GPC6: variants seen among roughly 807,000 people sequenced by gnomAD.
GPC6 encodes the protein glypican 6.
In GPC6, 14 loss-of-function variants were observed where a neutral mutation model predicts 55.2. The ratio of observed to expected loss-of-function variants is 0.25; its 90% CI spans 0.17 to 0.40. The LOEUF is 0.40. Among genes scored for constraint, GPC6 ranks in the 10% least tolerant of loss-of-function variants. GPC6 has a pLI of 1.00. For synonymous variants in GPC6, 278 were observed against 259.6 expected, an observed-to-expected ratio of 1.07 and a Z score of -0.68; for missense variants, 641 against 708.5, an observed-to-expected ratio of 0.90 and a Z score of 1.08.
In GPC6 at chr13:93,341,579, T is replaced by A. The variant is rs150327229; in HGVS notation, c.160+113963T>A. Among the ~76,000 whole-genome samples the A allele has an allele frequency of 1.8e-4, 28 of 152,342 alleles. No individual in the cohort carries two copies. The East Asian group carries it at 2.5e-3, about 14-fold the overall frequency. ...ATATCTATTCATGTCCTTTGCCCAC[T>A]TTTTGATGGAGTTATTTGTTTTATT... On this transcript the variant is annotated intron_variant, in intron 1 of 8. Transcript: ENST00000377047.
At chr13:93,915,661 T>C (rs1162571496) in intron 3 of GPC6, among the ~76,000 whole-genome samples, 1 of 152,224 alleles carries the variant, frequency 6.6e-6, no homozygotes, top group Non-Finnish European at 1.5e-5. Context: ...ATGAATATCA[T>C]GAACCCTATT....
chr13:93,482,778 A>G (rs757408111), intron 1 of GPC6, among the ~76,000 whole-genome samples: 1 of 152,184 alleles, frequency 6.6e-6, no homozygotes, highest in Non-Finnish European at 1.5e-5. Context: ...CCAAATTGAG[A>G]TGTATGAAAC....
chr13:93,248,780 G>T (rs1876690676), intron 1 of GPC6, among the ~76,000 whole-genome samples: 1 of 152,210 alleles, frequency 6.6e-6, no homozygotes, highest in Admixed American at 6.5e-5. Flanking sequence ...CCGCATTTCA[G>T]CCTGGTTACT....
In GPC6 at chr13:93,778,298, A is replaced by AT. The variant is rs537729419; in HGVS notation, c.320-51856_320-51855insT. ...AATATCTCTGTTAAGGCACAAAAAA[A>AT]GAAGCAGCAACTTTCTGTTACTGTT... On this transcript the variant is annotated intron_variant, in intron 2 of 8. Transcript: ENST00000377047. Among the ~76,000 whole-genome samples, 224 of 152,322 alleles carry AT rather than the reference A, an allele frequency of 1.5e-3. No homozygotes were observed. The Middle Eastern group carries it at 0.027, about 19-fold the overall frequency.
intron 4 of GPC6, among the ~76,000 whole-genome samples, chr13:94,235,380 G>A (rs1446890923): frequency 6.6e-6 from 1 of 152,044 alleles, no homozygotes; most frequent in African/African-American, 2.4e-5. Context: ...AAAGAAAAAA[G>A]TACTAACTTT....
At chr13:94,199,180 G>C (rs1889676316) in intron 4 of GPC6, among the ~76,000 whole-genome samples, 1 of 152,170 alleles carries the variant, frequency 6.6e-6, no homozygotes, top group African/African-American at 2.4e-5. Context: ...AACTTTACTA[G>C]GCCTAATATC....
intron 1 of GPC6, among the ~76,000 whole-genome samples, chr13:93,367,487 A>G (rs957372135): frequency 3.3e-5 from 5 of 151,602 alleles, no homozygotes; most frequent in Admixed American, 2.6e-4. Context: ...TGTTTGTCTT[A>G]TTTAGGTTTA....
At chr13:93,703,125 C>T (rs1304325113) in intron 2 of GPC6, among the ~76,000 whole-genome samples, 2 of 151,830 alleles carry the variant, frequency 1.3e-5, no homozygotes. Flanking sequence ...GAAACTTCTA[C>T]TTGAATACTT....
chr13:93,259,228 G>C (rs963821749), intron 1 of GPC6, among the ~76,000 whole-genome samples: 1 of 152,074 alleles, frequency 6.6e-6, no homozygotes, highest in African/African-American at 2.4e-5. Context: ...CTGATATTCT[G>C]TTGAGTTCTG....
chr13:94,162,194 C>T (rs372540550), intron 4 of GPC6, among the ~76,000 whole-genome samples: 20 of 152,062 alleles, frequency 1.3e-4, no homozygotes, highest in East Asian at 3.9e-4. Context: ...AGTAAGCTGC[C>T]GGTGAAGCTG....
intron 2 of GPC6, among the ~76,000 whole-genome samples, chr13:93,550,720 G>A (rs1875103788): frequency 6.6e-6 from 1 of 151,858 alleles, no homozygotes; most frequent in African/African-American, 2.4e-5. Context: ...TATTTGAAAA[G>A]GAAAAAACCC....
intron 6 of GPC6, among the ~76,000 whole-genome samples, chr13:94,345,112 G>A (rs560973668): frequency 3.9e-5 from 6 of 152,198 alleles, no homozygotes; most frequent in African/African-American, 1.4e-4. Context: ...AATCTCAAAC[G>A]TTTGAAGCAG....
intron 1 of GPC6, among the ~76,000 whole-genome samples, chr13:93,279,179 G>A (rs1396627225): frequency 6.6e-6 from 1 of 152,152 alleles, no homozygotes. Context: ...GAATCACCTG[G>A]AAGCTTCTGA....
intron 1 of GPC6, among the ~76,000 whole-genome samples, chr13:93,332,147 A>T (rs1185540924): frequency 6.6e-6 from 1 of 152,162 alleles, no homozygotes; most frequent in Non-Finnish European, 1.5e-5. Flanking sequence ...AGCCGTAGTG[A>T]ATAGTGCAAC....
chr13:93,656,400 T>C (rs1198233158), intron 2 of GPC6, among the ~76,000 whole-genome samples: 1 of 152,160 alleles, frequency 6.6e-6, no homozygotes, highest in Non-Finnish European at 1.5e-5. Flanking sequence ...GCAGCATTTA[T>C]TTCATCATTA....
chr13:93,609,868 A>G (rs1293104016), intron 2 of GPC6, among the ~76,000 whole-genome samples: 1 of 151,900 alleles, frequency 6.6e-6, no homozygotes, highest in Non-Finnish European at 1.5e-5. Flanking sequence ...TTTTGTACCC[A>G]CTCACAAGAC....
At chr13:93,754,651 GC>G in intron 2 of GPC6, among the ~76,000 whole-genome samples, 1 of 151,658 alleles carries the variant, frequency 6.6e-6, no homozygotes, top group Non-Finnish European at 1.5e-5. Context: ...CCATCACAGT[GC>G]TAAATAAAAG....
Position 93,505,022 on chromosome 13 carries a change from A to T in GPC6, c.161-40241A>T, listed in dbSNP as rs535488492. Among the ~76,000 whole-genome samples the T allele has an allele frequency of 3.9e-5, 6 of 152,286 alleles. No individual in the cohort carries two copies. In the South Asian group the frequency reaches 1.2e-3, roughly 32 times the overall value. ...AACAAAATAATGGGCCAATGTAATA[A>T]TATGTTGTGTTGCTGTAGTTTATTT... On this transcript the variant is annotated intron_variant, in intron 1 of 8. Transcript: ENST00000377047.
intron 2 of GPC6, among the ~76,000 whole-genome samples, chr13:93,754,708 A>T (rs2138867595): frequency 6.6e-6 from 1 of 152,240 alleles, no homozygotes; most frequent in African/African-American, 2.4e-5. Flanking sequence ...TATTTAAAAA[A>T]AAAAAACTAA....
Sources: allele counts gnomAD v4.1 joint callset (sites outside exome capture counted in the v4.1 genomes callset), GRCh38; gene constraint gnomAD v4.1.1; transcripts MANE v1.5; gene names NCBI Gene and HGNC (gene_info 2026-07-23, HGNC 2026-07-21).